The following PTGER3 variants were observed in gnomAD, a reference collection of about 807,000 sequenced individuals.
PTGER3 encodes prostaglandin E receptor 3.
Under a neutral mutation model 34.7 loss-of-function variants are expected in PTGER3, and 22 were observed. That is an observed-to-expected ratio of 0.63 (90% CI 0.45 to 0.91). The LOEUF (loss-of-function observed/expected upper bound fraction) is 0.91. Among genes scored for constraint, PTGER3 ranks in the 40% least tolerant of loss-of-function variants. The probability of loss-of-function intolerance (pLI) is 0.00; values close to 1 mark genes in which losing one functional copy is unlikely to be tolerated. For synonymous variants in PTGER3, 241 were observed against 230.1 expected (o/e 1.05, Z -0.43); for missense variants, 468 against 519.4 (o/e 0.90, Z 0.96).
chr1:70,966,204 C>T (rs1029028419), downstream of PTGER3, among the ~76,000 whole-genome samples: 2 of 152,086 alleles, frequency 1.3e-5, no homozygotes, highest in Non-Finnish European at 2.9e-5. Context: ...TTCTGCAATA[C>T]CTTCATCTGC....
Position 70,971,223 on chromosome 1 carries a change from G to A in PTGER3, c.*507C>T, listed in dbSNP as rs765838515. 90 of 985,178 alleles carry A rather than the reference G, an allele frequency of 9.1e-5. No individual in the cohort carries two copies. The highest frequency in any genetic ancestry group is 1.1e-4 in the Non-Finnish European group (90 of 829,924). 61.0% of individuals were successfully genotyped at this position (985,178 alleles called of 1,614,324 possible). On this transcript the variant is annotated 3_prime_UTR_variant, in exon 4 of 4. Transcript: ENST00000306666. ...ATTGGGCACAAATATTTTTTGTCAC[G>A]ATTCCCTCCTGCCCTCATTTGCTTT...
Position 70,925,664 on chromosome 1 carries a change from C to T in PTGER3, c.*23+28099G>A, listed in dbSNP as rs1307276561. Among the ~76,000 whole-genome samples the T allele has an allele frequency of 2.6e-5, 4 of 151,934 alleles. No homozygotes were observed. In the East Asian group the frequency reaches 7.7e-4, roughly 29 times the overall value. ...AAATGTTCAAGAACAAACTAAACAA[C>T]ATAATATTTATAAATAAATACATAT... On this transcript the variant is annotated intron_variant, in intron 4 of 4. Coordinates refer to the PTGER3 transcript ENST00000370931.
At chr1:70,879,509 A>G (rs530884187) in intron 4 of PTGER3, among the ~76,000 whole-genome samples, 1 of 152,160 alleles carries the variant, frequency 6.6e-6, no homozygotes, top group South Asian at 2.1e-4. Context: ...TGGCCTCCTA[A>G]AGTGCTGGGA....
chr1:70,862,495 T>C (rs1645948941), intron 4 of PTGER3: 1 of 720,582 alleles, frequency 1.4e-6, no homozygotes, highest in African/African-American at 1.8e-5. Flanking sequence ...GGTGTAATGG[T>C]GAACTATAGG....
chr1:70,934,568 C>T (rs917816647), intron 4 of PTGER3, among the ~76,000 whole-genome samples: 1 of 152,142 alleles, frequency 6.6e-6, no homozygotes, highest in Non-Finnish European at 1.5e-5. Context: ...TGAAAGTGGC[C>T]TGTCCATCAC....
At chr1:71,019,353 C>G (rs2268060) in intron 1 of PTGER3, among the ~76,000 whole-genome samples, 50,392 of 152,026 alleles carry the variant, frequency 0.33, 9,074 homozygotes, top group South Asian at 0.45. Context: ...TCAAGGGAGT[C>G]GTGAGACCAA....
intron 2 of PTGER3, chr1:70,997,053 A>G (rs1002360848): frequency 5.3e-5 from 8 of 152,186 alleles, no homozygotes; most frequent in African/African-American, 1.4e-4. Flanking sequence ...GGACAGATCA[A>G]TTGAGGTTGG....
chr1:70,878,313 T>C (rs1646316420), intron 4 of PTGER3, among the ~76,000 whole-genome samples: 2 of 152,156 alleles, frequency 1.3e-5, no homozygotes, highest in Non-Finnish European at 2.9e-5. Context: ...GGATCAGTGG[T>C]AAAGTACCCC....
chr1:71,009,428 G>T (rs758183984), intron 2 of PTGER3: 7 of 981,448 alleles, frequency 7.1e-6, no homozygotes, highest in Non-Finnish European at 8.5e-6. Context: ...ACAGCACTAG[G>T]TTAACTTGGT....
chr1:70,914,285 C>T (rs1260004677), intron 4 of PTGER3, among the ~76,000 whole-genome samples: 2 of 151,698 alleles, frequency 1.3e-5, no homozygotes, highest in Admixed American at 6.6e-5. Context: ...TACCTATAAA[C>T]TGCAGTTGAT....
chr1:70,894,173 G>A (rs1250930117), intron 4 of PTGER3, among the ~76,000 whole-genome samples: 1 of 151,884 alleles, frequency 6.6e-6, no homozygotes, highest in Non-Finnish European at 1.5e-5. Context: ...GCCGGGCGTG[G>A]TGGTGGGCAC....
intron 4 of PTGER3, among the ~76,000 whole-genome samples, chr1:70,928,760 T>A (rs1648388017): frequency 6.6e-6 from 1 of 152,130 alleles, no homozygotes. Flanking sequence ...CTTGCTACAA[T>A]TAGCATTCAT....
intron 4 of PTGER3, among the ~76,000 whole-genome samples, chr1:70,877,249 C>T (rs1465793408): frequency 6.6e-6 from 1 of 152,092 alleles, no homozygotes; most frequent in African/African-American, 2.4e-5. Context: ...ATTTGGCTCT[C>T]AGCTTGGACA....
At chr1:71,015,977 G>A (rs987328558) in intron 1 of PTGER3, among the ~76,000 whole-genome samples, 9 of 152,306 alleles carry the variant, frequency 5.9e-5, no homozygotes, top group South Asian at 2.1e-4. Context: ...CCGTCACCAA[G>A]GCTTGGGTGC....
intron 4 of PTGER3, among the ~76,000 whole-genome samples, chr1:70,859,229 GA>G (rs1207978373): frequency 6.6e-6 from 1 of 152,158 alleles, no homozygotes; most frequent in African/African-American, 2.4e-5. Context: ...AAAGAGCAAA[GA>G]ATGAATTAAA....
rs985188486 is a variant in PTGER3 at position 70,920,917 on chromosome 1, C to T, written c.*23+32846G>A. 2.0e-5 allele frequency among the ~76,000 whole-genome samples: 3 copies of T among 152,114 alleles called. No homozygotes were observed. In the East Asian group the frequency reaches 5.8e-4, roughly 29 times the overall value. ...TTGTTGTCTCTATGCATATTCTATA[C>T]AAGACTAACTCTTACTCTTACAAAT... On this transcript the variant is annotated intron_variant, in intron 4 of 4. Transcript: ENST00000370931.
intron 2 of PTGER3, chr1:71,008,788 G>T: frequency 6.3e-6 from 6 of 955,512 alleles, no homozygotes; most frequent in Non-Finnish European, 7.5e-6. Flanking sequence ...ATTTGTCATT[G>T]TTGATGGTTT....
At chr1:70,981,466 C>T (rs496483) in intron 2 of PTGER3, among the ~76,000 whole-genome samples, 116,209 of 145,226 alleles carry the variant, frequency 0.8, 46,634 homozygotes, top group East Asian at 0.96. Context: ...TAGGCTGGAG[C>T]GCAGTGGCAC....
At chr1:70,963,342 G>A (rs1652149756) in intron 2 of PTGER3, among the ~76,000 whole-genome samples, 1 of 152,136 alleles carries the variant, frequency 6.6e-6, no homozygotes, top group Non-Finnish European at 1.5e-5. Context: ...GCTCTACTAG[G>A]CAGTGTCTCA....
Sources: gnomAD v4.1 joint callset for allele counts (sites outside exome capture counted in the v4.1 genomes callset) on GRCh38, gnomAD v4.1.1 for gene constraint, MANE v1.5 for transcripts, NCBI Gene and HGNC (gene_info 2026-07-23, HGNC 2026-07-21) for gene names.